The following CMPK1 variants were observed in gnomAD, a reference collection of about 807,000 sequenced individuals.
CMPK1 encodes UMP-CMP kinase.
Under a neutral mutation model 25.7 loss-of-function variants are expected in CMPK1, and 10 were observed. That is an observed-to-expected ratio of 0.39 (90% CI 0.24 to 0.66). The LOEUF (loss-of-function observed/expected upper bound fraction) is 0.66. Ranked by LOEUF, CMPK1 falls within the 30% of genes least tolerant of loss-of-function variation. CMPK1 has a pLI of 0.48. For synonymous variants in CMPK1, 106 were observed against 101.5 expected (o/e 1.04, Z -0.27); for missense variants, 199 against 280.5 (o/e 0.71, Z 2.08).
chr1:47,334,524 C>T (rs185656774), intron 1 of CMPK1, among the ~76,000 whole-genome samples: 3 of 152,210 alleles, frequency 2.0e-5, no homozygotes, highest in African/African-American at 7.2e-5. Context: ...CCGTGTGCGC[C>T]CACAGTTGTC....
intron 1 of CMPK1, among the ~76,000 whole-genome samples, chr1:47,364,491 T>G (rs1646625469): frequency 1.3e-5 from 2 of 151,786 alleles, no homozygotes; most frequent in African/African-American, 2.4e-5. Flanking sequence ...TAATTTTTTG[T>G]ATTTTTAGTA....
At chr1:47,370,372 C>G (rs1646670000) in intron 2 of CMPK1, among the ~76,000 whole-genome samples, 1 of 151,922 alleles carries the variant, frequency 6.6e-6, no homozygotes, top group Non-Finnish European at 1.5e-5. Flanking sequence ...GGCGCAGTGG[C>G]TCACGCCTGT....
At chr1:47,354,270 A>T (rs1646542723) in intron 1 of CMPK1, among the ~76,000 whole-genome samples, 1 of 152,214 alleles carries the variant, frequency 6.6e-6, no homozygotes, top group Admixed American at 6.5e-5. Flanking sequence ...TAAAGGCTGC[A>T]GTGAGCTGTG....
rs7543016 is a variant in CMPK1, at chr1:47,333,967, G to C, written c.22G>C (p.Gly8Arg). The C allele has an allele frequency of 0.5, 753,307 of 1,491,702 alleles. 195,300 individuals carry two copies. The highest frequency in any genetic ancestry group is 0.79 in the African/African-American group (54,888 of 69,138). 92.4% of individuals were successfully genotyped at this position (1,491,702 alleles called of 1,614,324 possible). MLSRCRS[G>R]LLHVLGLSFL... ...GTGTATGCTGAGCCGCTGCCGCAGCGGGCTGCTCCACGTCCTGGGCCTTAG... is the reference window on the plus strand; with the variant it reads ...GTGTATGCTGAGCCGCTGCCGCAGCCGGCTGCTCCACGTCCTGGGCCTTAG... The change falls in exon 1 of 6, where the codon GGG becomes CGG. Residue 8 changes from glycine to arginine, a missense_variant. Transcript: ENST00000371873.
At chr1:47,355,345 CTTTTTT>C (rs58017732) in intron 1 of CMPK1, among the ~76,000 whole-genome samples, 4 of 103,992 alleles carry the variant, frequency 3.8e-5, no homozygotes, top group Non-Finnish European at 3.9e-5. Context: ...CATGCCCAGT[CTTTTTT>C]TTTTTTTTTT....
chr1:47,374,832 A>C, intron 3 of CMPK1, 77 bp from the exon 4 acceptor site: 1 of 1,109,818 alleles, frequency 9.0e-7, no homozygotes, highest in Non-Finnish European at 1.3e-6. Flanking sequence ...CATCTCTTTA[A>C]ACTCTTGTTT....
At chr1:47,357,714 A>T (rs988289502) in intron 1 of CMPK1, among the ~76,000 whole-genome samples, 1 of 151,664 alleles carries the variant, frequency 6.6e-6, no homozygotes, top group African/African-American at 2.4e-5. Context: ...TCAACACCTA[A>T]CCTCAGGTGA....
Position 47,333,906 on chromosome 1 carries a change from C to A in CMPK1, c.-40C>A. The A allele has an allele frequency of 8.1e-7, 1 of 1,231,974 alleles. No homozygotes were observed. Among genetic ancestry groups the A allele is most frequent in the Admixed American group, 4.0e-5 (1 of 24,966 alleles). 76.3% of individuals were successfully genotyped at this position (1,231,974 alleles called of 1,614,324 possible). A position where few individuals can be genotyped will look rare whatever the true frequency, so the allele number is the denominator to read the frequency against. ...CCCGCCCCGCCCCGCGCCGCGCCGG[C>A]CGCTGTCAGCTCCCTCAGCGTCCGG... On this transcript the variant is annotated 5_prime_UTR_variant, in exon 1 of 6. Transcript: ENST00000371873.
chr1:47,337,519 C>T (rs921255716), intron 1 of CMPK1, among the ~76,000 whole-genome samples: 1 of 152,006 alleles, frequency 6.6e-6, no homozygotes, highest in African/African-American at 2.4e-5. Context: ...GTCTAGTTGC[C>T]ATAAACTTTA....
At chr1:47,334,965 C>T (rs1646385560) in intron 1 of CMPK1, among the ~76,000 whole-genome samples, 1 of 152,088 alleles carries the variant, frequency 6.6e-6, no homozygotes, top group Admixed American at 6.6e-5. Context: ...GTTACCAGTT[C>T]AATTCTTTTA....
intron 2 of CMPK1, among the ~76,000 whole-genome samples, chr1:47,371,310 A>G (rs1570381234): frequency 6.6e-6 from 1 of 152,276 alleles, no homozygotes; most frequent in African/African-American, 2.4e-5. Context: ...TCTCTGCTCT[A>G]TAAAGCAGAG....
chr1:47,348,918 T>C (rs1252566176), intron 1 of CMPK1, among the ~76,000 whole-genome samples: 1 of 152,196 alleles, frequency 6.6e-6, no homozygotes, highest in East Asian at 1.9e-4. Flanking sequence ...GATTGTATAA[T>C]TGGGTGTTGA....
chr1:47,352,919 C>A (rs1646532983), intron 1 of CMPK1, among the ~76,000 whole-genome samples: 1 of 145,836 alleles, frequency 6.9e-6, no homozygotes, highest in South Asian at 2.2e-4. Flanking sequence ...GCAAAATATA[C>A]TTATGAAGGT....
Position 47,334,084 on chromosome 1 carries a change from G to A in CMPK1, c.139G>A (p.Gly47Ser). 1 of 1,535,624 alleles carries A rather than the reference G, an allele frequency of 6.5e-7. No individual in the cohort carries two copies. Among genetic ancestry groups the A allele is most frequent in the East Asian group, 2.5e-5 (1 of 39,724 alleles). The change falls in exon 1 of 6, where the codon GGC becomes AGC. Residue 47 changes from glycine (G) to serine (S), a missense_variant. Gly to Ser is a moderately conservative substitution (Grantham distance 56). Around this residue, in one of 2 missense-constraint regions of CMPK1, gnomAD observed 140 missense variants for 235.5 expected, o/e 0.59. Coordinates refer to ENST00000371873, the MANE Select transcript of CMPK1 (RefSeq NM_016308.3). Reference protein sequence around the residue: ...VVFVLGGPGAGKGTQCARIVE... With the variant: ...VVFVLGGPGASKGTQCARIVE... ...GTTCGTCCTCGGCGGCCCCGGCGCC[G>A]GCAAGGGGACCCAGTGCGCCCGCAT...
At position 47,368,560 on chromosome 1, in the gene CMPK1, A is replaced by G; in HGVS notation, c.263A>G (p.Tyr88Cys). 6.2e-7 allele frequency: 1 copy of G among 1,611,978 alleles called. No homozygotes were observed. Among genetic ancestry groups the G allele is most frequent in the South Asian group, 1.1e-5 (1 of 90,634 alleles). ...DSQYGELIEKYIKEGKIVPVE... is the reference protein window; with the variant it reads ...DSQYGELIEKCIKEGKIVPVE... ...CAGTATGGTGAACTTATTGAAAAGTACATTAAAGAAGGAAAGATTGTACCA... is the reference window on the plus strand; with the variant it reads ...CAGTATGGTGAACTTATTGAAAAGTGCATTAAAGAAGGAAAGATTGTACCA... Residue 88 changes from tyrosine (Y) to cysteine (C), a missense_variant, in exon 2 of 6, where the codon TAC becomes TGC. Physicochemically the swap from Tyr to Cys is radical, Grantham distance 194. This residue lies in a region of CMPK1 where 140 missense variants were observed against 235.5 expected (regional missense o/e 0.59). Coordinates refer to ENST00000371873, the MANE Select transcript of CMPK1 (RefSeq NM_016308.3).
rs1293814830 is a variant in CMPK1 at position 47,372,983 on chromosome 1, C to T, written c.347C>T (p.Ala116Val). The T allele has an allele frequency of 6.2e-7, 1 of 1,612,624 alleles. No individual in the cohort carries two copies. The highest frequency in any genetic ancestry group is 1.3e-5 in the African/African-American group (1 of 74,854). Residue 116 changes from alanine (A) to valine (V), a missense_variant, in exon 3 of 6, where the codon GCT becomes GTT. By Grantham distance (64) the Ala-to-Val change is moderately conservative (BLOSUM62 0). Coordinates refer to ENST00000371873, the MANE Select transcript of CMPK1 (RefSeq NM_016308.3). The part of the protein sequence containing the change: ...REMDQTMAAN[A>V]QKNKFLIDGF... ...ATGGATCAGACAATGGCTGCCAATG[C>T]TCAGAAGAATAAATTCTTGATTGAT...
intron 1 of CMPK1, among the ~76,000 whole-genome samples, chr1:47,357,208 C>G (rs12136812): frequency 0.034 from 5,177 of 152,184 alleles, 128 homozygotes; most frequent in Middle Eastern, 0.071. Flanking sequence ...GGTGATCTGC[C>G]TGCCTCGGCC....
At chr1:47,359,426 CA>C (rs1646586776) in intron 1 of CMPK1, among the ~76,000 whole-genome samples, 1 of 112,944 alleles carries the variant, frequency 8.9e-6, no homozygotes, top group Admixed American at 1.0e-4. Context: ...CTTGCTCTGT[CA>C]CCCAGGCTGG....
chr1:47,372,841 C>A, intron 2 of CMPK1, 114 bp from the exon 3 acceptor site: 1 of 643,384 alleles, frequency 1.6e-6, no homozygotes, highest in Non-Finnish European at 2.3e-6. Flanking sequence ...GTACCCTCCA[C>A]CCTTTACTTA....
Sources: gnomAD v4.1 joint callset for allele counts (sites outside exome capture counted in the v4.1 genomes callset) on GRCh38, gnomAD v4.1.1 for gene constraint, gnomAD v4.1.1 regional missense constraint, MANE v1.5 for transcripts, NCBI Gene and HGNC (gene_info 2026-07-23, HGNC 2026-07-21) for gene names.